Variants in SEMA3E observed in about 807,000 individuals in gnomAD.
SEMA3E encodes semaphorin-3E.
SEMA3E carries 49 observed loss-of-function variants against 93.6 expected under a neutral mutation model. That is an observed-to-expected ratio of 0.52 (90% CI 0.42 to 0.66). The LOEUF (loss-of-function observed/expected upper bound fraction) is 0.66, where lower values mean the gene tolerates loss of function less well. Ranked by LOEUF, SEMA3E falls within the 30% of genes least tolerant of loss-of-function variation. The pLI is 0.00. For missense variants in SEMA3E, 906 were observed against 964.8 expected (o/e 0.94, Z 0.81); for synonymous variants, 363 against 330.7 (o/e 1.10, Z -1.06).
At chr7:83,461,657 C>T (rs1193487328) in intron 4 of SEMA3E, among the ~76,000 whole-genome samples, 4 of 152,118 alleles carry the variant, frequency 2.6e-5, no homozygotes, top group African/African-American at 9.7e-5. Context: ...GCCCTAGACC[C>T]TAAAAGGTCA....
chr7:83,560,439 T>A (rs1421205847), intron 1 of SEMA3E, among the ~76,000 whole-genome samples: 1 of 152,098 alleles, frequency 6.6e-6, no homozygotes, highest in African/African-American at 2.4e-5. Flanking sequence ...CTCATTTAAC[T>A]GCTTTTCATG....
chr7:83,597,502 T>A (rs1792900549), intron 1 of SEMA3E, among the ~76,000 whole-genome samples: 1 of 152,204 alleles, frequency 6.6e-6, no homozygotes, highest in South Asian at 2.1e-4. Flanking sequence ...TCCATTTTAC[T>A]ATCTTAACTG....
intron 3 of SEMA3E, among the ~76,000 whole-genome samples, chr7:83,468,241 A>G (rs555939197): frequency 1.3e-4 from 20 of 152,274 alleles, no homozygotes; most frequent in Admixed American, 5.9e-4. Flanking sequence ...CATTCACATG[A>G]TATTTTATTC....
At chr7:83,409,861 C>A (rs1428349824) in intron 5 of SEMA3E, among the ~76,000 whole-genome samples, 1 of 151,460 alleles carries the variant, frequency 6.6e-6, no homozygotes, top group African/African-American at 2.4e-5. Context: ...GAAGTGTAAG[C>A]ATTTTTGTAT....
At chr7:83,438,700 T>C (rs1584249372) in intron 4 of SEMA3E, among the ~76,000 whole-genome samples, 1 of 151,952 alleles carries the variant, frequency 6.6e-6, no homozygotes, top group Non-Finnish European at 1.5e-5. Flanking sequence ...AGAAAAAAAA[T>C]ATGCTATATA....
At chr7:83,443,916 GATATATATATAT>G (rs60405752) in intron 4 of SEMA3E, among the ~76,000 whole-genome samples, 16,293 of 147,448 alleles carry the variant, frequency 0.11, 1,014 homozygotes, top group Non-Finnish European at 0.14. Flanking sequence ...ATAATGACCT[GATATATATATAT>G]ATATATATAT....
At chr7:83,548,792 C>T (rs1442461463) in intron 1 of SEMA3E, among the ~76,000 whole-genome samples, 2 of 152,184 alleles carry the variant, frequency 1.3e-5, no homozygotes, top group African/African-American at 4.8e-5. Context: ...GACTGCATGC[C>T]TGAAGCAAGG....
At chr7:83,598,120 A>T (rs767522509) in intron 1 of SEMA3E, among the ~76,000 whole-genome samples, 5 of 152,200 alleles carry the variant, frequency 3.3e-5, no homozygotes, top group Non-Finnish European at 7.3e-5. Context: ...ATTCTCATCA[A>T]TATGGAGAGT....
intron 4 of SEMA3E, among the ~76,000 whole-genome samples, chr7:83,449,546 A>G (rs757885955): frequency 4.9e-4 from 75 of 152,222 alleles, no homozygotes; most frequent in Non-Finnish European, 8.1e-4. Context: ...TAACAGATCT[A>G]AACTACAGAG....
At chr7:83,460,670 CG>C (rs1562792104) in intron 4 of SEMA3E, among the ~76,000 whole-genome samples, 2 of 72,036 alleles carry the variant, frequency 2.8e-5, no homozygotes. Context: ...CATATCTCTG[CG>C]CCCCAATCCC....
intron 11 of SEMA3E, among the ~76,000 whole-genome samples, chr7:83,398,107 A>G (rs1038512942): frequency 2.0e-5 from 3 of 152,134 alleles, no homozygotes; most frequent in Admixed American, 6.6e-5. Flanking sequence ...TTCATTAAAC[A>G]TGTTCTTTTT....
chr7:83,488,480 C>G (rs1252622736), intron 2 of SEMA3E, among the ~76,000 whole-genome samples: 1 of 152,128 alleles, frequency 6.6e-6, no homozygotes, highest in Non-Finnish European at 1.5e-5. Context: ...TTCTCAGCAG[C>G]TCTACTAGAA....
At chr7:83,409,980 G>C (rs908325943) in intron 5 of SEMA3E, among the ~76,000 whole-genome samples, 3 of 151,408 alleles carry the variant, frequency 2.0e-5, no homozygotes, top group African/African-American at 7.3e-5. Context: ...AAAGATGATT[G>C]CTTTTGTTAT....
Position 83,405,467 on chromosome 7 carries a change from T to C in SEMA3E, c.981A>G (p.Gly327=), listed in dbSNP as rs762037862. ...TRDHKNPVIF[G]LFNTTSNIFR... ...TTTCTCACCTGGTAGTGTTAAAGAG[T>C]CCAAATATCACTGGATTCTTATGAT... The change falls in exon 9 of 17, where the codon GGA becomes GGG. Residue 327 remains glycine (G), a synonymous_variant. Coordinates refer to ENST00000643230, the MANE Select transcript of SEMA3E (RefSeq NM_012431.3). The C allele has an allele frequency of 6.2e-7, 1 of 1,612,608 alleles. No individual in the cohort carries two copies. Among genetic ancestry groups the C allele is most frequent in the South Asian group, 1.1e-5 (1 of 91,040 alleles).
intron 4 of SEMA3E, among the ~76,000 whole-genome samples, chr7:83,442,866 C>G (rs1205885246): frequency 2.6e-5 from 4 of 152,138 alleles, no homozygotes; most frequent in Admixed American, 6.5e-5. Context: ...TGAACTTTAG[C>G]ACTTTCCTCT....
At position 83,369,853 on chromosome 7, in the gene SEMA3E, T is replaced by C. The variant is rs748363214; in HGVS notation, c.1876-1815A>G. On this transcript the variant is annotated intron_variant, in intron 16 of 16. Coordinates refer to ENST00000643230, the MANE Select transcript of SEMA3E (RefSeq NM_012431.3). Reference sequence around the variant, plus strand: ...TATTTTCCAGCACTAGCTTTCTCCATAACTTTACCATCTATTGCAACCTAT... The same window carrying C: ...TATTTTCCAGCACTAGCTTTCTCCACAACTTTACCATCTATTGCAACCTAT... 3.9e-5 allele frequency among the ~76,000 whole-genome samples: 6 copies of C among 152,330 alleles called. No homozygotes were observed. In the South Asian group the frequency reaches 1.2e-3, roughly 32 times the overall value.
At chr7:83,622,622 C>T (rs1406821732) in intron 1 of SEMA3E, among the ~76,000 whole-genome samples, 1 of 152,152 alleles carries the variant, frequency 6.6e-6, no homozygotes, top group Non-Finnish European at 1.5e-5. Context: ...AAATGTGGTA[C>T]ATATACACCA....
intron 4 of SEMA3E, among the ~76,000 whole-genome samples, chr7:83,449,826 T>A (rs1297794578): frequency 1.3e-5 from 2 of 152,236 alleles, no homozygotes; most frequent in African/African-American, 2.4e-5. Flanking sequence ...TTTTAAATTT[T>A]GTTTTAAACA....
chr7:83,543,780 A>G (rs1159079628), intron 1 of SEMA3E, among the ~76,000 whole-genome samples: 1 of 152,070 alleles, frequency 6.6e-6, no homozygotes, highest in Non-Finnish European at 1.5e-5. Flanking sequence ...TAATACAATG[A>G]ACAATGTTGA....
Sources: gnomAD v4.1 joint callset for allele counts (sites outside exome capture counted in the v4.1 genomes callset) on GRCh38, gnomAD v4.1.1 for gene constraint, MANE v1.5 for transcripts, NCBI Gene and HGNC (gene_info 2026-07-23, HGNC 2026-07-21) for gene names.